The following PLXDC2 variants were observed in gnomAD, a reference collection of about 807,000 sequenced individuals.
PLXDC2 encodes plexin domain-containing protein 2.
PLXDC2 carries 40 observed loss-of-function variants against 68.9 expected under a neutral mutation model. The ratio of observed to expected loss-of-function variants is 0.58; its 90% confidence interval spans 0.45 to 0.76. PLXDC2 has a LOEUF of 0.76. PLXDC2 is among the 30% of genes least tolerant of loss of function. The probability of loss-of-function intolerance (pLI) is 0.00; values close to 1 mark genes in which losing one functional copy is unlikely to be tolerated. For missense variants in PLXDC2, 644 were observed against 661.9 expected (o/e 0.97, Z 0.30); for synonymous variants, 243 against 234.2 (o/e 1.04, Z -0.34).
At chr10:20,225,756 C>G (rs1835277689) in intron 12 of PLXDC2, among the ~76,000 whole-genome samples, 1 of 152,168 alleles carries the variant, frequency 6.6e-6, no homozygotes, top group Middle Eastern at 3.2e-3. Context: ...TTTCTACACT[C>G]AAACTATTCT....
intron 7 of PLXDC2, among the ~76,000 whole-genome samples, chr10:20,174,523 G>T (rs1834498746): frequency 6.6e-6 from 1 of 151,974 alleles, no homozygotes; most frequent in Admixed American, 6.6e-5. Context: ...GCCACTCCTA[G>T]CCCCAAAAGG....
At chr10:20,032,290 A>G (rs1283608588) in intron 2 of PLXDC2, among the ~76,000 whole-genome samples, 1 of 152,242 alleles carries the variant, frequency 6.6e-6, no homozygotes, top group Non-Finnish European at 1.5e-5. Context: ...GGACATATTC[A>G]TGGGACAACA....
At chr10:19,855,154 G>C (rs1175940271) in intron 1 of PLXDC2, among the ~76,000 whole-genome samples, 1 of 152,122 alleles carries the variant, frequency 6.6e-6, no homozygotes, top group African/African-American at 2.4e-5. Flanking sequence ...TAATTTTGGA[G>C]ACTTAGTAGT....
At chr10:19,957,581 T>C (rs1834091961) in intron 1 of PLXDC2, among the ~76,000 whole-genome samples, 1 of 152,188 alleles carries the variant, frequency 6.6e-6, no homozygotes, top group Non-Finnish European at 1.5e-5. Flanking sequence ...TAATGTTGCA[T>C]TAAATTAATG....
intron 1 of PLXDC2, among the ~76,000 whole-genome samples, chr10:19,947,803 C>T (rs1333263001): frequency 2.0e-5 from 3 of 147,548 alleles, no homozygotes; most frequent in African/African-American, 7.5e-5. Context: ...ACTGTCATGA[C>T]TAATATTAAT....
At chr10:19,899,672 G>C (rs906941678) in intron 1 of PLXDC2, among the ~76,000 whole-genome samples, 4 of 152,070 alleles carry the variant, frequency 2.6e-5, no homozygotes, top group African/African-American at 9.7e-5. Context: ...AAAAAGTGAA[G>C]TTGTAAAAAT....
intron 1 of PLXDC2, among the ~76,000 whole-genome samples, chr10:19,844,610 T>C (rs903020891): frequency 6.6e-6 from 1 of 151,976 alleles, no homozygotes. Context: ...TTTTTTCTTT[T>C]TTCTTTTTGA....
At position 19,893,935 on chromosome 10, in the gene PLXDC2, T is replaced by A. The variant is rs541018728; in HGVS notation, c.112+76744T>A. On this transcript the variant is annotated intron_variant, in intron 1 of 13. Transcript: ENST00000377252. ...GTAAATGACTTCACCAGTTAGGGGG[T>A]CAACCATGCTAACAGCTCAAATCCC... Among the ~76,000 whole-genome samples, 4 of 152,264 alleles carry A rather than the reference T, an allele frequency of 2.6e-5. No individual in the cohort carries two copies. The East Asian group carries it at 7.7e-4, about 29-fold the overall frequency.
At chr10:20,076,355 G>A (rs1836451052) in intron 4 of PLXDC2, among the ~76,000 whole-genome samples, 1 of 152,162 alleles carries the variant, frequency 6.6e-6, no homozygotes, top group Admixed American at 6.5e-5. Context: ...CAGTTCATAA[G>A]CCAAGGCAAT....
intron 2 of PLXDC2, among the ~76,000 whole-genome samples, chr10:20,020,469 T>G (rs1835289282): frequency 6.6e-6 from 1 of 151,998 alleles, no homozygotes; most frequent in Non-Finnish European, 1.5e-5. Flanking sequence ...CTATACAGTT[T>G]CTCTTTCTTC....
In PLXDC2 at chr10:20,143,277, C is replaced by G; in HGVS notation, c.542-18C>G. The G allele has an allele frequency of 1.3e-6, 2 of 1,590,472 alleles. No individual in the cohort carries two copies. Among genetic ancestry groups the G allele is most frequent in the Non-Finnish European group, 1.7e-6 (2 of 1,168,362 alleles). ...GGGCTTCTTTTTCTGAATATGTTTC[C>G]TATTTTTCTAATTCTAGGTTTCATA... On this transcript the variant is annotated intron_variant, in intron 4 of 13. Coordinates refer to ENST00000377252, the MANE Select transcript of PLXDC2 (RefSeq NM_032812.9).
intron 9 of PLXDC2, among the ~76,000 whole-genome samples, chr10:20,192,739 A>C (rs1834783632): frequency 6.6e-6 from 1 of 152,084 alleles, no homozygotes; most frequent in East Asian, 1.9e-4. Context: ...TTTTAGAAAA[A>C]ATGGGCTGAA....
chr10:19,977,995 A>C (rs1407083669), intron 1 of PLXDC2, among the ~76,000 whole-genome samples: 1 of 152,200 alleles, frequency 6.6e-6, no homozygotes, highest in African/African-American at 2.4e-5. Context: ...TAAATTGAGC[A>C]GATCATCTGG....
At chr10:20,150,266 T>G (rs1834135492) in intron 6 of PLXDC2, among the ~76,000 whole-genome samples, 1 of 152,176 alleles carries the variant, frequency 6.6e-6, no homozygotes, top group Admixed American at 6.5e-5. Context: ...TTCAATAGGT[T>G]TTGGGGAAAT....
chr10:20,060,072 A>G (rs1836072462), intron 3 of PLXDC2, among the ~76,000 whole-genome samples: 1 of 152,096 alleles, frequency 6.6e-6, no homozygotes, highest in Non-Finnish European at 1.5e-5. Context: ...TTGCTCTGTC[A>G]CCCAGGCTGG....
intron 3 of PLXDC2, among the ~76,000 whole-genome samples, chr10:20,056,025 C>T (rs910848537): frequency 3.9e-5 from 6 of 152,060 alleles, no homozygotes; most frequent in South Asian, 2.1e-4. Flanking sequence ...TTGGCATCAT[C>T]GGATCCAAAT....
At chr10:19,899,681 A>G (rs949121941) in intron 1 of PLXDC2, among the ~76,000 whole-genome samples, 44 of 152,300 alleles carry the variant, frequency 2.9e-4, no homozygotes, top group Non-Finnish European at 3.7e-4. Flanking sequence ...AGTTGTAAAA[A>G]TCTATAAATC....
At chr10:19,883,468 A>G (rs1225074790) in intron 1 of PLXDC2, among the ~76,000 whole-genome samples, 3 of 152,192 alleles carry the variant, frequency 2.0e-5, no homozygotes. Context: ...ACTGAAAATC[A>G]TCATTCTCTC....
At chr10:19,894,032 A>T (rs1838012359) in intron 1 of PLXDC2, among the ~76,000 whole-genome samples, 1 of 152,198 alleles carries the variant, frequency 6.6e-6, no homozygotes, top group Non-Finnish European at 1.5e-5. Context: ...AAATTCAGAG[A>T]AGCACCCAGA....
Sources: gnomAD v4.1 joint callset for allele counts (sites outside exome capture counted in the v4.1 genomes callset) on GRCh38, gnomAD v4.1.1 for gene constraint, MANE v1.5 for transcripts, NCBI Gene and HGNC (gene_info 2026-07-23, HGNC 2026-07-21) for gene names.